The following PRELID2 variants were observed in gnomAD, a reference collection of about 807,000 sequenced individuals.
The protein encoded by PRELID2 is PRELI domain-containing protein 2.
A neutral mutation model predicts 28.4 loss-of-function variants in PRELID2; 25 were observed. The observed-to-expected ratio is 0.88, with a 90% CI of 0.64 to 1.23. PRELID2 has a LOEUF of 1.23. Among genes scored for constraint, PRELID2 ranks in the 50% most tolerant of loss-of-function variants. The probability of loss-of-function intolerance (pLI) is 0.00; values close to 1 mark genes in which losing one functional copy is unlikely to be tolerated. For missense variants in PRELID2, 201 were observed against 214.4 expected (o/e 0.94, Z 0.39); for synonymous variants, 76 against 71.6 (o/e 1.06, Z -0.31).
At chr5:145,695,725 T>C (rs980256503) in intron 1 of PRELID2, among the ~76,000 whole-genome samples, 2 of 152,128 alleles carry the variant, frequency 1.3e-5, no homozygotes, top group African/African-American at 2.4e-5. Context: ...AGGTGGGCCC[T>C]TCCACAGGAC....
chr5:145,566,880 A>G (rs570196417), intron 1 of PRELID2, among the ~76,000 whole-genome samples: 1 of 151,874 alleles, frequency 6.6e-6, no homozygotes, highest in African/African-American at 2.4e-5. Flanking sequence ...AGAAAGAGAA[A>G]GAAAAGGTGA....
intron 1 of PRELID2, among the ~76,000 whole-genome samples, chr5:145,694,800 GA>G (rs111466637): frequency 0.036 from 5,050 of 140,562 alleles, 286 homozygotes; most frequent in African/African-American, 0.12. Flanking sequence ...GCATCCAAAG[GA>G]AAAAAAAAAA....
chr5:145,365,218 T>A, the PRELID2 span, among the ~76,000 whole-genome samples: 1 of 151,928 alleles, frequency 6.6e-6, no homozygotes, highest in Non-Finnish European at 1.5e-5. Context: ...GTAACCATAA[T>A]AAATAATAAT....
chr5:145,415,267 ATTTTCTTT>A, the PRELID2 span, among the ~76,000 whole-genome samples: 1 of 151,212 alleles, frequency 6.6e-6, no homozygotes, highest in Non-Finnish European at 1.5e-5. Context: ...TTTTTATTTT[ATTTTCTTT>A]TTTTCTTTTT....
At chr5:145,484,211 C>T (rs999600431) in intron 1 of PRELID2, among the ~76,000 whole-genome samples, 1 of 152,098 alleles carries the variant, frequency 6.6e-6, no homozygotes, top group African/African-American at 2.4e-5. Flanking sequence ...TTAATTTTAT[C>T]CTTAGTGCCT....
chr5:145,393,758 T>G, the PRELID2 span, among the ~76,000 whole-genome samples: 3 of 152,162 alleles, frequency 2.0e-5, no homozygotes, highest in Non-Finnish European at 2.9e-5. Context: ...AGAGAAATCT[T>G]TAAACTTAAA....
the PRELID2 span, among the ~76,000 whole-genome samples, chr5:145,249,177 T>C: frequency 1.3e-5 from 2 of 152,172 alleles, no homozygotes; most frequent in African/African-American, 4.8e-5. Flanking sequence ...AGAATTCTCA[T>C]GTCTTTGCTT....
At chr5:145,243,911 A>G in the PRELID2 span, among the ~76,000 whole-genome samples, 1 of 151,966 alleles carries the variant, frequency 6.6e-6, no homozygotes, top group Non-Finnish European at 1.5e-5. Context: ...TTACTTCCTC[A>G]GCAACTTTTA....
At chr5:145,600,027 A>G (rs1006168359) in intron 1 of PRELID2, among the ~76,000 whole-genome samples, 3 of 152,078 alleles carry the variant, frequency 2.0e-5, no homozygotes, top group Admixed American at 1.3e-4. Context: ...AAAGCTTTAA[A>G]GGCTTACAAA....
At chr5:145,685,588 T>C (rs1167640809) in intron 1 of PRELID2, among the ~76,000 whole-genome samples, 1 of 152,194 alleles carries the variant, frequency 6.6e-6, no homozygotes, top group Non-Finnish European at 1.5e-5. Context: ...AATGCTTCAT[T>C]GCAGTCCCAC....
intron 1 of PRELID2, among the ~76,000 whole-genome samples, chr5:145,626,555 G>A (rs1202178337): frequency 3.9e-5 from 6 of 151,974 alleles, no homozygotes; most frequent in South Asian, 2.1e-4. Flanking sequence ...AAATGGGAAC[G>A]CTTATACACT....
chr5:145,815,653 C>G (rs1343255778), intron 4 of PRELID2, among the ~76,000 whole-genome samples: 1 of 152,182 alleles, frequency 6.6e-6, no homozygotes, highest in South Asian at 2.1e-4. Flanking sequence ...AATAAATGGA[C>G]CCATACAATA....
chr5:145,646,944 G>A (rs1340993669), intron 1 of PRELID2, among the ~76,000 whole-genome samples: 3 of 152,158 alleles, frequency 2.0e-5, no homozygotes, highest in Non-Finnish European at 2.9e-5. Context: ...CCTGTATGAG[G>A]TGTCTGTCAG....
chr5:145,604,561 TG>T (rs1164388221), intron 1 of PRELID2, among the ~76,000 whole-genome samples: 1 of 152,050 alleles, frequency 6.6e-6, no homozygotes, highest in Non-Finnish European at 1.5e-5. Context: ...TACGTCTTTA[TG>T]GTAGAATAAT....
chr5:145,749,114 A>G (rs942126580), intron 1 of PRELID2, among the ~76,000 whole-genome samples: 1 of 152,186 alleles, frequency 6.6e-6, no homozygotes, highest in Non-Finnish European at 1.5e-5. Flanking sequence ...CAAAAGCCAA[A>G]ATTGACAAAT....
the PRELID2 span, among the ~76,000 whole-genome samples, chr5:145,351,367 C>T: frequency 6.6e-6 from 1 of 152,156 alleles, no homozygotes; most frequent in African/African-American, 2.4e-5. Flanking sequence ...TCCTTCTTCA[C>T]ATGGTGGCAG....
intron 1 of PRELID2, among the ~76,000 whole-genome samples, chr5:145,706,926 C>A (rs771139317): frequency 4.1e-4 from 62 of 152,152 alleles, no homozygotes; most frequent in Non-Finnish European, 7.6e-4. Flanking sequence ...TTCCTAGGAC[C>A]TTGCATGCAA....
At chr5:145,669,181 A>G (rs1391205810) in intron 1 of PRELID2, among the ~76,000 whole-genome samples, 1 of 152,152 alleles carries the variant, frequency 6.6e-6, no homozygotes, top group African/African-American at 2.4e-5. Flanking sequence ...ATGCTGAAAA[A>G]ATATTGGTTT....
At chr5:145,564,523 C>T (rs1752949262) in intron 1 of PRELID2, among the ~76,000 whole-genome samples, 1 of 152,154 alleles carries the variant, frequency 6.6e-6, no homozygotes, top group African/African-American at 2.4e-5. Context: ...TCAGTGTCAC[C>T]CCCATCATGG....
Sources: gnomAD v4.1 joint callset for allele counts (sites outside exome capture counted in the v4.1 genomes callset) on GRCh38, gnomAD v4.1.1 for gene constraint, MANE v1.5 for transcripts, NCBI Gene and HGNC (gene_info 2026-07-23, HGNC 2026-07-21) for gene names.